MAPK10: variants seen among roughly 807,000 people sequenced by gnomAD.
The protein encoded by MAPK10 is mitogen-activated protein kinase 10.
MAPK10 carries 25 observed loss-of-function variants against 59.3 expected under a neutral mutation model. The ratio of observed to expected loss-of-function variants is 0.42; its 90% CI spans 0.31 to 0.59. The LOEUF (loss-of-function observed/expected upper bound fraction) is 0.59, where lower values mean the gene tolerates loss of function less well. Among genes scored for constraint, MAPK10 ranks in the 20% least tolerant of loss-of-function variants. The pLI is 0.15. For synonymous variants in MAPK10, 190 were observed against 200.5 expected (o/e 0.95, Z 0.44); for missense variants, 351 against 568.9 (o/e 0.62, Z 3.90).
At position 86,354,611 on chromosome 4, in the gene MAPK10, A is replaced by T. The variant is rs1733468543; in HGVS notation, c.-88T>A. ...CATAAGTTGCCATAGTGAAGATCTGAGATGGGCCTGCTGTTGGTGTTTCTC... is the reference window on the plus strand; with the variant it reads ...CATAAGTTGCCATAGTGAAGATCTGTGATGGGCCTGCTGTTGGTGTTTCTC... On this transcript the variant is annotated 5_prime_UTR_variant, in exon 2 of 14. Transcript: ENST00000641462. The T allele has an allele frequency of 1.6e-6, 2 of 1,230,862 alleles. No individual in the cohort carries two copies. The highest frequency in any genetic ancestry group is 2.0e-6 in the Non-Finnish European group (2 of 986,908). 76.2% of individuals were successfully genotyped at this position (1,230,862 alleles called of 1,614,324 possible). A position where few individuals can be genotyped will look rare whatever the true frequency, so the allele number is the denominator to read the frequency against.
chr4:86,407,942 T>G (rs925269546), intron 1 of MAPK10, among the ~76,000 whole-genome samples: 7 of 152,176 alleles, frequency 4.6e-5, no homozygotes, highest in Non-Finnish European at 8.8e-5. Flanking sequence ...CTAGGGTACA[T>G]GTGCACAATG....
chr4:86,093,290 C>T (rs918581252), intron 9 of MAPK10, among the ~76,000 whole-genome samples: 87 of 151,998 alleles, frequency 5.7e-4, no homozygotes, highest in Non-Finnish European at 1.9e-4. Context: ...GAGACTTCTC[C>T]TTAACACACC....
chr4:86,251,771 AACTAGTTG>A (rs1260550839), intron 2 of MAPK10, among the ~76,000 whole-genome samples: 15 of 135,928 alleles, frequency 1.1e-4, no homozygotes, highest in Middle Eastern at 3.7e-3. Context: ...ACAATGGTTG[AACTAGTTG>A]ACAGTCCCAC....
chr4:86,585,517 C>A (rs1228899916), intron 1 of MAPK10, among the ~76,000 whole-genome samples: 1 of 152,192 alleles, frequency 6.6e-6, no homozygotes, highest in African/African-American at 2.4e-5. Flanking sequence ...AAGGCCTTGG[C>A]CCAGCATCCA....
At chr4:86,313,810 A>C (rs780430986) in intron 2 of MAPK10, among the ~76,000 whole-genome samples, 7 of 152,172 alleles carry the variant, frequency 4.6e-5, no homozygotes, top group Non-Finnish European at 1.0e-4. Context: ...AGTATCTTCC[A>C]AACCTAAACA....
intron 1 of MAPK10, among the ~76,000 whole-genome samples, chr4:86,426,195 T>C (rs1747258611): frequency 6.6e-6 from 1 of 152,242 alleles, no homozygotes; most frequent in Admixed American, 6.5e-5. Flanking sequence ...AATGTAATGT[T>C]TACTGAATAC....
At chr4:86,378,655 A>T (rs1389535616) in intron 1 of MAPK10, among the ~76,000 whole-genome samples, 2 of 152,244 alleles carry the variant, frequency 1.3e-5, no homozygotes, top group Non-Finnish European at 2.9e-5. Context: ...TGAATGCAAC[A>T]ATCTTACAAA....
At chr4:86,229,196 A>T (rs777152378) in intron 2 of MAPK10, among the ~76,000 whole-genome samples, 125 of 152,236 alleles carry the variant, frequency 8.2e-4, no homozygotes, top group Non-Finnish European at 1.6e-3. Flanking sequence ...ATGAAGTTTA[A>T]TTTTTTTCAC....
intron 6 of MAPK10, 176 bp downstream of exon 6, chr4:86,103,010 C>T (rs2055779771): frequency 3.9e-6 from 2 of 510,992 alleles, no homozygotes; most frequent in Non-Finnish European, 7.0e-6. Flanking sequence ...CTTTACATAT[C>T]ACTGGACCCC....
intron 1 of MAPK10, among the ~76,000 whole-genome samples, chr4:86,474,692 A>G (rs1415459123): frequency 1.3e-5 from 2 of 152,232 alleles, no homozygotes; most frequent in African/African-American, 4.8e-5. Context: ...AAAAGTACTG[A>G]CTAGCAGCTA....
chr4:86,511,863 G>T (rs1756296929), intron 1 of MAPK10, among the ~76,000 whole-genome samples: 1 of 149,984 alleles, frequency 6.7e-6, no homozygotes, highest in South Asian at 2.1e-4. Context: ...AAGGAAAGGA[G>T]GGAGGGAACA....
At chr4:86,290,847 A>C (rs2095201551) in intron 2 of MAPK10, among the ~76,000 whole-genome samples, 1 of 152,144 alleles carries the variant, frequency 6.6e-6, no homozygotes, top group Admixed American at 6.6e-5. Flanking sequence ...TCTAGTGAAA[A>C]ACTAGTATGT....
At chr4:86,433,384 G>C (rs899154129) in intron 1 of MAPK10, among the ~76,000 whole-genome samples, 7 of 152,044 alleles carry the variant, frequency 4.6e-5, no homozygotes, top group Non-Finnish European at 1.0e-4. Context: ...CAAAAGGTTG[G>C]ACTCCTTTCC....
chr4:86,581,301 C>T (rs576067154), intron 1 of MAPK10, among the ~76,000 whole-genome samples: 5 of 151,410 alleles, frequency 3.3e-5, no homozygotes, highest in South Asian at 4.2e-4. Flanking sequence ...CAGCTCTATT[C>T]CCTAAAACAG....
At chr4:86,513,092 G>A (rs1258443496) in intron 1 of MAPK10, among the ~76,000 whole-genome samples, 3 of 151,726 alleles carry the variant, frequency 2.0e-5, no homozygotes, top group African/African-American at 7.3e-5. Context: ...TTTTAGAGAT[G>A]GGTCCTAATC....
chr4:86,319,406 T>C (rs1462689187), intron 2 of MAPK10, among the ~76,000 whole-genome samples: 3 of 152,088 alleles, frequency 2.0e-5, no homozygotes, highest in Non-Finnish European at 2.9e-5. Flanking sequence ...TTTCAGAAAA[T>C]TCATGCAAAA....
chr4:86,317,495 A>T (rs1181109128), intron 2 of MAPK10, among the ~76,000 whole-genome samples: 1 of 152,194 alleles, frequency 6.6e-6, no homozygotes, highest in Admixed American at 6.5e-5. Flanking sequence ...ACAGTGCCAT[A>T]TTATCTATTG....
chr4:86,196,004 T>C (rs2081221374), intron 2 of MAPK10, among the ~76,000 whole-genome samples: 1 of 152,246 alleles, frequency 6.6e-6, no homozygotes, highest in South Asian at 2.1e-4. Flanking sequence ...GTCTTTGCTA[T>C]TGTGAACAGT....
At chr4:86,153,940 G>T (rs1350446731) in intron 4 of MAPK10, among the ~76,000 whole-genome samples, 2 of 152,092 alleles carry the variant, frequency 1.3e-5, no homozygotes, top group East Asian at 3.8e-4. Context: ...AAAATGCCAG[G>T]GATGAAGAAT....
Sources: gnomAD v4.1 joint callset for allele counts (sites outside exome capture counted in the v4.1 genomes callset) on GRCh38, gnomAD v4.1.1 for gene constraint, MANE v1.5 for transcripts, NCBI Gene and HGNC (gene_info 2026-07-23, HGNC 2026-07-21) for gene names.